Variants in SPRED1 observed in about 807,000 individuals in gnomAD.
The protein encoded by SPRED1 is sprouty related EVH1 domain containing 1.
A neutral mutation model predicts 52.3 loss-of-function variants in SPRED1; 18 were observed. The ratio of observed to expected loss-of-function variants is 0.34; its 90% CI spans 0.24 to 0.51. SPRED1 has a LOEUF of 0.51. Among genes scored for constraint, SPRED1 ranks in the 20% least tolerant of loss-of-function variants. The pLI, the probability that SPRED1 is intolerant of heterozygous loss-of-function variation, is 0.97. For synonymous variants in SPRED1, 155 were observed against 179.7 expected, an observed-to-expected ratio of 0.86 and a Z score of 1.10; for missense variants, 485 against 551.0, an observed-to-expected ratio of 0.88 and a Z score of 1.20.
At chr15:38,327,514 C>T (rs1895729465) in intron 4 of SPRED1, among the ~76,000 whole-genome samples, 1 of 152,094 alleles carries the variant, frequency 6.6e-6, no homozygotes, top group Non-Finnish European at 1.5e-5. Context: ...CTGGGAGAAG[C>T]CAGCCACTAT....
chr15:38,258,063 A>C (rs1481129486), intron 1 of SPRED1, among the ~76,000 whole-genome samples: 1 of 152,230 alleles, frequency 6.6e-6, no homozygotes, highest in Non-Finnish European at 1.5e-5. Context: ...ATGTAAGAGT[A>C]GTAGTTTATT....
intron 1 of SPRED1, among the ~76,000 whole-genome samples, chr15:38,253,853 C>T (rs1216607036): frequency 6.6e-6 from 1 of 152,134 alleles, no homozygotes; most frequent in African/African-American, 2.4e-5. Context: ...TTGGACGTGT[C>T]TTCAGGAACG....
chr15:38,293,883 G>A (rs901421579), intron 1 of SPRED1, among the ~76,000 whole-genome samples: 1 of 151,998 alleles, frequency 6.6e-6, no homozygotes, highest in African/African-American at 2.4e-5. Context: ...CTGATATACT[G>A]CTATTAAAAA....
At chr15:38,288,534 T>A (rs1029885233) in intron 1 of SPRED1, among the ~76,000 whole-genome samples, 57 of 152,200 alleles carry the variant, frequency 3.7e-4, no homozygotes, top group African/African-American at 1.4e-3. Context: ...AGGATTCTTG[T>A]TAGCTGATGG....
chr15:38,350,265 G>A (rs993107855), intron 6 of SPRED1, among the ~76,000 whole-genome samples: 1 of 152,028 alleles, frequency 6.6e-6, no homozygotes, highest in Non-Finnish European at 1.5e-5. Flanking sequence ...CCCTCACATG[G>A]TCTTTCCTCA....
chr15:38,336,255 A>G (rs994631904), intron 4 of SPRED1, among the ~76,000 whole-genome samples: 2 of 151,352 alleles, frequency 1.3e-5, no homozygotes, highest in African/African-American at 4.9e-5. Context: ...ATAGTTCTCT[A>G]CCTAAAGGAA....
chr15:38,353,450 A>G lies in SPRED1; in HGVS notation c.*1786A>G, dbSNP rs1001270387. 7.2e-5 allele frequency: 11 copies of G among 152,564 alleles called. No individual in the cohort carries two copies. The highest frequency in any genetic ancestry group is 1.5e-4 in the Non-Finnish European group (10 of 67,956). 9.5% of individuals were successfully genotyped at this position (152,564 alleles called of 1,614,324 possible). On this transcript the variant is annotated 3_prime_UTR_variant, in exon 7 of 7. Transcript: ENST00000299084. ...TTGAAAAGAAGAAAATATATTGATA[A>G]CTATAGATGTTATGAAGAAGAGGGT...
At chr15:38,344,440 G>A (rs1522769) in intron 5 of SPRED1, among the ~76,000 whole-genome samples, 139,155 of 152,196 alleles carry the variant, frequency 0.91, 64,913 homozygotes, top group East Asian at 1. Flanking sequence ...CCAAAATAGT[G>A]ATGGCGGTTA....
chr15:38,301,922 A>G (rs1895156590), intron 2 of SPRED1, among the ~76,000 whole-genome samples: 1 of 151,120 alleles, frequency 6.6e-6, no homozygotes, highest in Admixed American at 6.6e-5. Flanking sequence ...GTAAGTCTAC[A>G]GGGTTCCTCC....
At chr15:38,319,582 T>G (rs531070506) in intron 2 of SPRED1, among the ~76,000 whole-genome samples, 33 of 152,316 alleles carry the variant, frequency 2.2e-4, no homozygotes, top group African/African-American at 7.0e-4. Flanking sequence ...TTCACTATGT[T>G]GGTCAGGATG....
chr15:38,299,475 C>G lies in SPRED1; in HGVS notation c.135C>G (p.Phe45Leu), dbSNP rs1595733562. The G allele has an allele frequency of 1.2e-6, 2 of 1,614,040 alleles. No individual in the cohort carries two copies. Among genetic ancestry groups the G allele is most frequent in the Non-Finnish European group, 1.7e-6 (2 of 1,179,958 alleles). ...GGSGLSSVTVFKVPHQEENGC... is the reference protein window; with the variant it reads ...GGSGLSSVTVLKVPHQEENGC... ...GTGGACTAAGCAGCGTCACTGTCTTCAAAGTCCCTCATCAGGAAGAGAATG... is the reference window on the plus strand; with the variant it reads ...GTGGACTAAGCAGCGTCACTGTCTTGAAAGTCCCTCATCAGGAAGAGAATG... Residue 45 changes from phenylalanine to leucine, a missense_variant, in exon 2 of 7, where the codon TTC (phenylalanine) becomes TTG (leucine). Coordinates refer to ENST00000299084, the MANE Select transcript of SPRED1 (RefSeq NM_152594.3).
chr15:38,333,443 T>C (rs1363773760), intron 4 of SPRED1, among the ~76,000 whole-genome samples: 2 of 152,148 alleles, frequency 1.3e-5, no homozygotes, highest in African/African-American at 4.8e-5. Context: ...ACAAGCCATA[T>C]TAAGAAAGTA....
intron 1 of SPRED1, among the ~76,000 whole-genome samples, chr15:38,264,893 C>A (rs4923783): frequency 0.83 from 125,529 of 152,060 alleles, 52,568 homozygotes; most frequent in Non-Finnish European, 0.9. Context: ...TGAGAATTAG[C>A]AAGTAGAGGG....
chr15:38,287,380 A>T (rs1210122780), intron 1 of SPRED1, among the ~76,000 whole-genome samples: 7 of 151,988 alleles, frequency 4.6e-5, no homozygotes, highest in African/African-American at 1.7e-4. Context: ...CAAAACTGTG[A>T]TTTTTCTTTA....
At position 38,353,325 on chromosome 15, in the gene SPRED1, CT is replaced by C; in HGVS notation, c.*1662del. ...AACTGAACAATGTATATAACACTATCTGTCTGTAAAATACTTTTTTTAAGAA... is the reference window on the plus strand; with the variant it reads ...AACTGAACAATGTATATAACACTATCGTCTGTAAAATACTTTTTTTAAGAA... On this transcript the variant is annotated 3_prime_UTR_variant, in exon 7 of 7. Coordinates refer to ENST00000299084, the MANE Select transcript of SPRED1 (RefSeq NM_152594.3). 1 of 98,020 alleles carries C rather than the reference CT, an allele frequency of 1.0e-5. No homozygotes were observed. Among genetic ancestry groups the C allele is most frequent in the Non-Finnish European group, 2.4e-5 (1 of 40,986 alleles). The allele number at this position is 98,020 out of a possible 1,614,324, so 6.1% of individuals were successfully genotyped here.
intron 2 of SPRED1, 35 bp from the exon 3 acceptor site, chr15:38,322,206 A>G (rs769963508): frequency 1.9e-6 from 3 of 1,597,700 alleles, no homozygotes; most frequent in East Asian, 2.2e-5. Flanking sequence ...CATTTGATAT[A>G]TGTATATTAA....
Position 38,276,706 on chromosome 15 carries a change from T to G in SPRED1, c.33-22667T>G, listed in dbSNP as rs16966597. Among the ~76,000 whole-genome samples the G allele has an allele frequency of 0.013, 1,981 of 152,332 alleles. 136 individuals are homozygous for G. In the East Asian group the frequency reaches 0.2, roughly 16 times the overall value. ...ATTGTGGATGTATTTTGTTCAGGCT[T>G]TCAAGTATCATTTTAATTCTCATGT... On this transcript the variant is annotated intron_variant, in intron 1 of 6. Transcript: ENST00000299084.
intron 2 of SPRED1, among the ~76,000 whole-genome samples, chr15:38,307,370 G>T (rs533059533): frequency 1.3e-5 from 2 of 152,092 alleles, no homozygotes; most frequent in East Asian, 3.9e-4. Flanking sequence ...GAAGTCCAAG[G>T]TATTGGCCAA....
In SPRED1 at chr15:38,322,303, C is replaced by G. The variant is rs773943895; in HGVS notation, c.270C>G (p.His90Gln). 2 of 1,613,894 alleles carry G rather than the reference C, an allele frequency of 1.2e-6. No homozygotes were observed. Among genetic ancestry groups the G allele is most frequent in the Non-Finnish European group, 1.7e-6 (2 of 1,179,882 alleles). ...ATAATAAGGTCACTCCAACATTTCA[C>G]CACTGGAAGATTGATGACAAGAAGT... ...LIYNKVTPTF[H>Q]HWKIDDKKFG... The change falls in exon 3 of 7, where the codon CAC becomes CAG. Residue 90 changes from histidine to glutamine, a missense_variant. Around this residue, in one of 5 missense-constraint regions of SPRED1, gnomAD observed 232 missense variants for 231.8 expected, o/e 1.00. Transcript: ENST00000299084.
Sources: allele counts gnomAD v4.1 joint callset (sites outside exome capture counted in the v4.1 genomes callset), GRCh38; gene constraint gnomAD v4.1.1; regional missense constraint gnomAD v4.1.1; transcripts MANE v1.5; gene names NCBI Gene and HGNC (gene_info 2026-07-23, HGNC 2026-07-21).